Variants in STOX1 observed in about 807,000 individuals in gnomAD.
STOX1 encodes storkhead box 1.
In STOX1, 57 loss-of-function variants were observed where a neutral mutation model predicts 74.8. The ratio of observed to expected loss-of-function variants is 0.76; its 90% CI spans 0.62 to 0.95. The LOEUF is 0.95. Among genes scored for constraint, STOX1 ranks in the 40% least tolerant of loss-of-function variants. STOX1 has a pLI of 0.00. For synonymous variants in STOX1, 375 were observed against 401.3 expected, an observed-to-expected ratio of 0.93 and a Z score of 0.78; for missense variants, 1,010 against 1,117.0, an observed-to-expected ratio of 0.90 and a Z score of 1.37.
In STOX1 at chr10:68,880,753, C is replaced by T. The variant is rs150246839; in HGVS notation, c.311-1205C>T. ...CACTCACTAGGCTGGAGTGCAGTGG[C>T]GCCATCTCGGCTCACTGCAACCTCC... On this transcript the variant is annotated intron_variant, in intron 1 of 3. Coordinates refer to ENST00000298596, the MANE Select transcript of STOX1 (RefSeq NM_152709.5). Among the ~76,000 whole-genome samples, 326 of 152,130 alleles carry T rather than the reference C, an allele frequency of 2.1e-3. 9 individuals carry two copies. The East Asian group carries it at 0.058, about 27-fold the overall frequency.
intron 1 of STOX1, among the ~76,000 whole-genome samples, chr10:68,846,414 T>G (rs1031800236): frequency 6.6e-6 from 1 of 152,136 alleles, no homozygotes; most frequent in Non-Finnish European, 1.5e-5. Context: ...CCCCCCAAAG[T>G]CCTGGGATTA....
In STOX1 at chr10:68,854,690, CAA is replaced by C. The variant is rs1206607416; in HGVS notation, c.310+26759_310+26760del. Among the ~76,000 whole-genome samples the C allele has an allele frequency of 2.6e-5, 4 of 152,212 alleles. No individual in the cohort carries two copies. In the East Asian group the frequency reaches 7.7e-4, roughly 29 times the overall value. The stretch of plus-strand genomic sequence containing the variant: ...ACTTGATCTACCTGGGGTGTTTTCT[CAA>C]AGACTTGAACCACCTCTAGGTATAA... On this transcript the variant is annotated intron_variant, in intron 1 of 3. Coordinates refer to ENST00000298596, the MANE Select transcript of STOX1 (RefSeq NM_152709.5).
At chr10:68,875,599 T>C (rs80156025) in intron 1 of STOX1, among the ~76,000 whole-genome samples, 4,008 of 152,308 alleles carry the variant, frequency 0.026, 320 homozygotes, top group East Asian at 0.26. Context: ...CTAGAGGCCT[T>C]CTTCTTCAGG....
intron 1 of STOX1, among the ~76,000 whole-genome samples, chr10:68,854,537 A>T (rs1840073867): frequency 6.6e-6 from 1 of 151,978 alleles, no homozygotes; most frequent in South Asian, 2.1e-4. Context: ...AACTCAAGGA[A>T]TCTGCCCACC....
At position 68,885,342 on chromosome 10, in the gene STOX1, A is replaced by G. The variant is rs1441670612; in HGVS notation, c.1546A>G (p.Thr516Ala). The change falls in exon 3 of 4, where the codon ACG becomes GCG. Residue 516 changes from threonine to alanine, a missense_variant. Physicochemically the swap from Thr to Ala is moderately conservative, Grantham distance 58 (BLOSUM62 0). Coordinates refer to ENST00000298596, the MANE Select transcript of STOX1 (RefSeq NM_152709.5). ...TISKGHKIQK[T>A]SDLKPSQTGP... Reference sequence around the variant, plus strand: ...ATCCAAAGGGCACAAAATTCAGAAGACGAGTGATCTGAAACCCAGCCAGAC... The same window carrying G: ...ATCCAAAGGGCACAAAATTCAGAAGGCGAGTGATCTGAAACCCAGCCAGAC... The G allele has an allele frequency of 5.0e-6, 8 of 1,614,098 alleles. No homozygotes were observed. The highest frequency in any genetic ancestry group is 6.8e-6 in the Non-Finnish European group (8 of 1,180,044).
At chr10:68,853,469 G>T (rs1345661618) in intron 1 of STOX1, among the ~76,000 whole-genome samples, 1 of 152,074 alleles carries the variant, frequency 6.6e-6, no homozygotes, top group Non-Finnish European at 1.5e-5. Context: ...CCTGGCTCAA[G>T]ACATATAGCT....
At chr10:68,865,120 A>G (rs1468003275) in intron 1 of STOX1, among the ~76,000 whole-genome samples, 4 of 146,100 alleles carry the variant, frequency 2.7e-5, no homozygotes, top group Admixed American at 2.7e-4. Context: ...AATATCATCC[A>G]TATAATGAAT....
chr10:68,887,474 T>A (rs1840990833), intron 3 of STOX1, among the ~76,000 whole-genome samples: 1 of 149,842 alleles, frequency 6.7e-6, no homozygotes, highest in Admixed American at 6.7e-5. Flanking sequence ...TAGAGACGAG[T>A]TTTCTCCATG....
chr10:68,878,711 A>G (rs1051307812), intron 1 of STOX1, among the ~76,000 whole-genome samples: 2 of 152,196 alleles, frequency 1.3e-5, no homozygotes, highest in African/African-American at 4.8e-5. Context: ...ATGCAGATAC[A>G]ATAAGAATAC....
intron 1 of STOX1, among the ~76,000 whole-genome samples, chr10:68,864,222 C>G (rs1840344129): frequency 6.6e-6 from 1 of 152,056 alleles, no homozygotes; most frequent in South Asian, 2.1e-4. Context: ...CCGCACCCGG[C>G]CAAGTTCTGC....
intron 1 of STOX1, among the ~76,000 whole-genome samples, chr10:68,830,519 T>A (rs906426095): frequency 1.3e-5 from 2 of 152,006 alleles, no homozygotes; most frequent in Non-Finnish European, 2.9e-5. Flanking sequence ...ATTTTTGTAT[T>A]TTTAGTAGAG....
downstream of STOX1, among the ~76,000 whole-genome samples, chr10:68,894,123 A>G (rs1212219637): frequency 1.3e-5 from 2 of 151,330 alleles, no homozygotes; most frequent in Non-Finnish European, 1.5e-5. Context: ...GCAATGGTGT[A>G]ATCTCGGTTT....
Position 68,886,477 on chromosome 10 carries a change from G to C in STOX1, c.2681G>C (p.Arg894Thr), listed in dbSNP as rs1254413218. ...WSQSPQNQEMRKHFPQKFQLF... is the reference protein window; with the variant it reads ...WSQSPQNQEMTKHFPQKFQLF... The stretch of plus-strand genomic sequence containing the variant: ...CAGAGTCCTCAGAATCAGGAAATGA[G>C]AAAACATTTCCCACAAAAGTTCCAA... The change falls in exon 3 of 4, where the codon AGA (arginine) becomes ACA (threonine). Residue 894 changes from arginine to threonine, a missense_variant. Arg to Thr is a moderately conservative substitution (Grantham distance 71). Transcript: ENST00000298596. 1.2e-6 allele frequency: 2 copies of C among 1,613,874 alleles called. No homozygotes were observed. The highest frequency in any genetic ancestry group is 1.7e-6 in the Non-Finnish European group (2 of 1,179,962).
intron 1 of STOX1, among the ~76,000 whole-genome samples, chr10:68,856,769 C>T (rs370266149): frequency 3.3e-5 from 5 of 152,186 alleles, no homozygotes; most frequent in South Asian, 2.1e-4. Context: ...AAGGAGACAG[C>T]GACAGAAACT....
At chr10:68,852,486 CT>C (rs1431276009) in intron 1 of STOX1, among the ~76,000 whole-genome samples, 1 of 151,786 alleles carries the variant, frequency 6.6e-6, no homozygotes, top group East Asian at 1.9e-4. Context: ...TCTTGATCTC[CT>C]GACCTCATGA....
downstream of STOX1, among the ~76,000 whole-genome samples, chr10:68,893,680 G>T (rs1416755660): frequency 6.6e-6 from 1 of 152,212 alleles, no homozygotes; most frequent in Non-Finnish European, 1.5e-5. Flanking sequence ...GCCTCCCAAA[G>T]TGTTGGGATT....
rs765686756 is a variant in STOX1, at chr10:68,892,762, C to T, written c.*26C>T. The T allele has an allele frequency of 1.1e-5, 18 of 1,607,316 alleles. No homozygotes were observed. The African/African-American group carries it at 2.3e-4, about 20-fold the overall frequency. On this transcript the variant is annotated 3_prime_UTR_variant, in exon 4 of 4. Coordinates refer to ENST00000298596, the MANE Select transcript of STOX1 (RefSeq NM_152709.5). The stretch of plus-strand genomic sequence containing the variant: ...TTTTCTTTTGGAAACCTACTTTTTT[C>T]TTTATAAAAAGGTAGAGCATTATTA...
intron 1 of STOX1, among the ~76,000 whole-genome samples, chr10:68,859,567 G>A (rs970100404): frequency 6.6e-6 from 1 of 152,088 alleles, no homozygotes; most frequent in Admixed American, 6.5e-5. Context: ...AGTATTTAGT[G>A]TGTTGTCAAA....
In STOX1 at chr10:68,885,532, G is replaced by A. The variant is rs1293202730; in HGVS notation, c.1736G>A (p.Arg579Lys). The A allele has an allele frequency of 1.9e-6, 3 of 1,614,080 alleles. No homozygotes were observed. The African/African-American group carries it at 4.0e-5, about 22-fold the overall frequency. The change falls in exon 3 of 4, where the codon AGA becomes AAA. Residue 579 changes from arginine to lysine, a missense_variant. Transcript: ENST00000298596. ...PTVKPINDDF[R>K]GHLFSHPQQS... ...GTCAAACCCATCAATGATGACTTCA[G>A]AGGTCACCTCTTCAGTCACCCTCAA...
Sources: gnomAD v4.1 joint callset for allele counts (sites outside exome capture counted in the v4.1 genomes callset) on GRCh38, gnomAD v4.1.1 for gene constraint, MANE v1.5 for transcripts, NCBI Gene and HGNC (gene_info 2026-07-23, HGNC 2026-07-21) for gene names.